The following ETS1 variants were observed in gnomAD, a reference collection of about 807,000 sequenced individuals.
ETS1 encodes ETS proto-oncogene 1, transcription factor, also known as protein C-ets-1.
A neutral mutation model predicts 58.6 loss-of-function variants in ETS1; 15 were observed. The ratio of observed to expected loss-of-function variants is 0.26; its 90% CI spans 0.17 to 0.39. The LOEUF (loss-of-function observed/expected upper bound fraction) is 0.39, where lower values mean the gene tolerates loss of function less well. ETS1 is among the 10% of genes least tolerant of loss of function. The probability of loss-of-function intolerance (pLI) is 1.00; values close to 1 mark genes in which losing one functional copy is unlikely to be tolerated. For synonymous variants in ETS1, 214 were observed against 218.2 expected (o/e 0.98, Z 0.17); for missense variants, 417 against 610.5 (o/e 0.68, Z 3.34).
At chr11:128,477,814 T>A (rs1265410223) in intron 8 of ETS1, among the ~76,000 whole-genome samples, 1 of 152,228 alleles carries the variant, frequency 6.6e-6, no homozygotes, top group East Asian at 1.9e-4. Flanking sequence ...GCTGAAATAA[T>A]TGAATTGTTA....
chr11:128,567,517 CCT>C (rs968291367), intron 2 of ETS1, among the ~76,000 whole-genome samples: 3 of 152,150 alleles, frequency 2.0e-5, no homozygotes, highest in African/African-American at 7.2e-5. Context: ...TTTCTGAACC[CCT>C]GTTTTCATTG....
intron 3 of ETS1, among the ~76,000 whole-genome samples, chr11:128,492,586 T>C (rs935704666): frequency 6.6e-6 from 1 of 150,440 alleles, no homozygotes; most frequent in Non-Finnish European, 1.5e-5. Context: ...GTTAACAAAA[T>C]GATGGAAAAT....
In ETS1 at chr11:128,486,061, G is replaced by A. The variant is rs200168532; in HGVS notation, c.613+8C>T. ...ATCATGAGAGAAGAGGGGTAGAAATGAACTTACTAATGAAGTAATCCGAGG... is the reference window on the plus strand; with the variant it reads ...ATCATGAGAGAAGAGGGGTAGAAATAAACTTACTAATGAAGTAATCCGAGG... On this transcript the variant is annotated splice_region_variant and intron_variant, in intron 6 of 9. Coordinates refer to ENST00000392668, the MANE Select transcript of ETS1 (RefSeq NM_001143820.2). 8 of 1,580,216 alleles carry A rather than the reference G, an allele frequency of 5.1e-6. No individual in the cohort carries two copies. In the South Asian group the frequency reaches 5.5e-5, roughly 11 times the overall value.
chr11:128,521,964 G>A (rs1331721404), intron 3 of ETS1: 1 of 1,603,452 alleles, frequency 6.2e-7, no homozygotes, highest in Non-Finnish European at 8.5e-7. Context: ...ATGATGGTGA[G>A]AGTCGGCTTG....
chr11:128,471,756 T>C (rs965153204), intron 8 of ETS1, among the ~76,000 whole-genome samples: 1 of 152,122 alleles, frequency 6.6e-6, no homozygotes, highest in Admixed American at 6.5e-5. Flanking sequence ...TCTTCCTAAG[T>C]GTGTAGGTAA....
chr11:128,472,899 T>C (rs978941665), intron 8 of ETS1, among the ~76,000 whole-genome samples: 8 of 152,306 alleles, frequency 5.3e-5, no homozygotes, highest in African/African-American at 1.9e-4. Context: ...CATCTAATCA[T>C]GTCTTGGCAC....
At chr11:128,554,846 CT>C (rs1864288088) in intron 3 of ETS1, among the ~76,000 whole-genome samples, 1 of 152,148 alleles carries the variant, frequency 6.6e-6, no homozygotes, top group African/African-American at 2.4e-5. Flanking sequence ...TGACCTTTTG[CT>C]TATACAAACA....
At chr11:128,552,206 G>GC (rs1438599896) in intron 3 of ETS1, among the ~76,000 whole-genome samples, 1 of 152,258 alleles carries the variant, frequency 6.6e-6, no homozygotes, top group East Asian at 1.9e-4. Context: ...TAACGGAAGA[G>GC]CTGATGCAAA....
At chr11:128,516,423 C>G (rs776574002) in intron 3 of ETS1, among the ~76,000 whole-genome samples, 8 of 152,052 alleles carry the variant, frequency 5.3e-5, no homozygotes, top group Non-Finnish European at 7.4e-5. Context: ...GAAAATGGAG[C>G]CAAGGTTTTC....
chr11:128,530,954 G>C (rs1235367024), intron 3 of ETS1, among the ~76,000 whole-genome samples: 2 of 152,164 alleles, frequency 1.3e-5, no homozygotes, highest in African/African-American at 4.8e-5. Context: ...CCTACAGAGT[G>C]TATTTGTCTA....
At position 128,549,441 on chromosome 11, in the gene ETS1, G is replaced by T. The variant is rs1727986570; in HGVS notation, c.214+6850C>A. Among the ~76,000 whole-genome samples, 1 of 152,218 alleles carries T rather than the reference G, an allele frequency of 6.6e-6. No individual in the cohort carries two copies. The highest frequency in any genetic ancestry group is 2.4e-5 in the African/African-American group (1 of 41,450). On this transcript the variant is annotated intron_variant, in intron 3 of 9. Coordinates refer to ENST00000392668, the MANE Select transcript of ETS1 (RefSeq NM_001143820.2). This position sits in a 1 kb window ranked among gnomAD's most constrained non-coding sequence, Gnocchi z 4.3. ...GGAGTTCCAGGAGAGGGGTCAAACT[G>T]CTTGAATCGCATAAGAACCCGGTGC...
chr11:128,466,099 G>A (rs1173802390), intron 8 of ETS1, among the ~76,000 whole-genome samples: 4 of 152,194 alleles, frequency 2.6e-5, no homozygotes, highest in Admixed American at 6.5e-5. Context: ...TGCAGGACAC[G>A]GGATAGCCAG....
At chr11:128,517,317 TCAA>T (rs1443337623) in intron 3 of ETS1, among the ~76,000 whole-genome samples, 16 of 152,232 alleles carry the variant, frequency 1.1e-4, no homozygotes, top group Non-Finnish European at 2.4e-4. Context: ...TGAGAATAAC[TCAA>T]AATTTTAGGT....
At chr11:128,566,956 C>G (rs1423976820) in intron 2 of ETS1, among the ~76,000 whole-genome samples, 1 of 152,090 alleles carries the variant, frequency 6.6e-6, no homozygotes, top group South Asian at 2.1e-4. Flanking sequence ...GTGTAAGGTG[C>G]GTTGGCTTCT....
chr11:128,517,581 A>G (rs561537512), intron 3 of ETS1, among the ~76,000 whole-genome samples: 2 of 152,372 alleles, frequency 1.3e-5, no homozygotes, highest in Admixed American at 6.5e-5. Context: ...ACCACCTTCA[A>G]TGCAAGCTCA....
intron 8 of ETS1, among the ~76,000 whole-genome samples, chr11:128,469,748 T>A (rs958028694): frequency 6.6e-6 from 1 of 152,068 alleles, no homozygotes; most frequent in South Asian, 2.1e-4. Flanking sequence ...CCTGAGAAAA[T>A]TATTTTAAGA....
At position 128,465,176 on chromosome 11, in the gene ETS1, C is replaced by T. The variant is rs78229800; in HGVS notation, c.1124-1549G>A. Among the ~76,000 whole-genome samples, 1,313 of 152,310 alleles carry T rather than the reference C, an allele frequency of 8.6e-3. 19 individuals carry two copies. The highest frequency in any genetic ancestry group is 0.03 in the African/African-American group (1,238 of 41,554). On this transcript the variant is annotated intron_variant, in intron 8 of 9. Transcript: ENST00000392668. Reference sequence around the variant, plus strand: ...TTCCAAGGCTCCTCTCAGCACTTGCCACGCTAAATATGAAAACATGAAATA... The same window carrying T: ...TTCCAAGGCTCCTCTCAGCACTTGCTACGCTAAATATGAAAACATGAAATA...
At chr11:128,521,946 C>T (rs200525200) in intron 3 of ETS1, 1 of 1,607,812 alleles carries the variant, frequency 6.2e-7, no homozygotes, top group African/African-American at 1.3e-5. Flanking sequence ...TCGACTTTTT[C>T]CGTCTTGATG....
At chr11:128,551,315 T>A (rs1195239130) in intron 3 of ETS1, among the ~76,000 whole-genome samples, 2 of 152,224 alleles carry the variant, frequency 1.3e-5, no homozygotes, top group East Asian at 1.9e-4. Flanking sequence ...ACATCCCACC[T>A]GGTTGTGGAT....
Sources: allele counts gnomAD v4.1 joint callset (sites outside exome capture counted in the v4.1 genomes callset), GRCh38; gene constraint gnomAD v4.1.1; non-coding constraint Gnocchi (gnomAD v3.1); transcripts MANE v1.5; gene names NCBI Gene and HGNC (gene_info 2026-07-23, HGNC 2026-07-21).